RIPOR1: variants seen among roughly 807,000 people sequenced by gnomAD.
The protein encoded by RIPOR1 is RHO family interacting cell polarization regulator 1, also known as rho family-interacting cell polarization regulator 1.
Under a neutral mutation model 116.5 loss-of-function variants are expected in RIPOR1, and 58 were observed. The observed-to-expected ratio is 0.50, with a 90% confidence interval of 0.40 to 0.62. RIPOR1 has a LOEUF of 0.62. RIPOR1 is among the 20% of genes least tolerant of loss of function. The pLI is 0.00. For synonymous variants in RIPOR1, 605 were observed against 650.0 expected (o/e 0.93, Z 1.05); for missense variants, 1,372 against 1,586.2 (o/e 0.86, Z 2.29).
rs2050828521 is a variant in RIPOR1, at chr16:67,537,546, C to CG, written c.-23-877dup. Reference sequence around the variant, plus strand: ...CCAGGGCCGGAAGGTCCGCGGGGGGCGAGCGCGGGTCGGGGGCCGTCCCGG... The same window carrying CG: ...CCAGGGCCGGAAGGTCCGCGGGGGGCGGAGCGCGGGTCGGGGGCCGTCCCGG... On this transcript the variant is annotated intron_variant, in intron 1 of 21. Coordinates refer to ENST00000042381, the MANE Select transcript of RIPOR1 (RefSeq NM_024519.4). This position sits in a 1 kb window ranked among gnomAD's most constrained non-coding sequence, Gnocchi z 4.6. The CG allele has an allele frequency of 7.4e-7, 1 of 1,353,592 alleles. No individual in the cohort carries two copies. The highest frequency in any genetic ancestry group is 9.5e-7 in the Non-Finnish European group (1 of 1,050,200). 83.8% of individuals were successfully genotyped at this position (1,353,592 alleles called of 1,614,324 possible). A position where few individuals can be genotyped will look rare whatever the true frequency, so the allele number is the denominator to read the frequency against.
At position 67,537,673 on chromosome 16, in the gene RIPOR1, T is replaced by A; in HGVS notation, c.-23-751T>A. On this transcript the variant is annotated intron_variant, in intron 1 of 21. Coordinates refer to ENST00000042381, the MANE Select transcript of RIPOR1 (RefSeq NM_024519.4). This position sits in a 1 kb window ranked among gnomAD's most constrained non-coding sequence, Gnocchi z 4.6. ...GCAGGCCGGGTTTGGGGGCCAGGAG[T>A]GTGTGTTTCGCCGAAGCGGGGTGGG... The A allele has an allele frequency of 9.5e-7, 1 of 1,051,660 alleles. No individual in the cohort carries two copies. The highest frequency in any genetic ancestry group is 1.2e-6 in the Non-Finnish European group (1 of 805,022). The allele number at this position is 1,051,660 out of a possible 1,614,324, so 65.1% of individuals were successfully genotyped here.
intron 1 of RIPOR1, among the ~76,000 whole-genome samples, chr16:67,522,287 C>T (rs1394884910): frequency 1.3e-5 from 2 of 148,798 alleles, no homozygotes; most frequent in African/African-American, 2.5e-5. Flanking sequence ...ACTGAAACCT[C>T]CGCCTCCCAG....
intron 4 of RIPOR1, 176 bp downstream of exon 4, chr16:67,539,244 C>A: frequency 1.6e-6 from 1 of 607,144 alleles, no homozygotes; most frequent in Non-Finnish European, 2.9e-6. Context: ...GCTGTGCATA[C>A]TTTCTGCTTG....
chr16:67,534,844 T>TC (rs1198101425), intron 1 of RIPOR1, among the ~76,000 whole-genome samples: 14 of 134,098 alleles, frequency 1.0e-4, no homozygotes, highest in African/African-American at 3.9e-4. Context: ...TCTTTTTTTT[T>TC]TTTTTTTTTT....
In RIPOR1 at chr16:67,530,561, G is replaced by T. The variant is rs2142427877; in HGVS notation, c.-24+1647G>T. The stretch of plus-strand genomic sequence containing the variant: ...TCGGGGCGGCCCCGGGGTGGGGCGG[G>T]GCTAGACCCGGGGACTCCCAGAGAG... On this transcript the variant is annotated intron_variant, in intron 1 of 21. Transcript: ENST00000042381. The surrounding 1 kb of genome is among the most constrained non-coding windows in gnomAD (Gnocchi z 4.5). Among the ~76,000 whole-genome samples the T allele has an allele frequency of 6.6e-6, 1 of 152,340 alleles. No homozygotes were observed. Among genetic ancestry groups the T allele is most frequent in the South Asian group, 2.1e-4 (1 of 4,832 alleles).
chr16:67,537,443 G>C lies in RIPOR1; in HGVS notation c.-23-981G>C. ...GTCAGGCGGCAGGAACTGGGCGGGG[G>C]GCGGCGCCGGGAGGAGCCGAAGCCG... On this transcript the variant is annotated intron_variant, in intron 1 of 21. Coordinates refer to ENST00000042381, the MANE Select transcript of RIPOR1 (RefSeq NM_024519.4). The surrounding 1 kb of genome is among the most constrained non-coding windows in gnomAD (Gnocchi z 4.6). 2 of 1,242,798 alleles carry C rather than the reference G, an allele frequency of 1.6e-6. No homozygotes were observed. The highest frequency in any genetic ancestry group is 3.3e-5 in the South Asian group (1 of 30,744). 77.0% of individuals were successfully genotyped at this position (1,242,798 alleles called of 1,614,324 possible).
At chr16:67,538,197 G>A in intron 1 of RIPOR1, 2 of 424,624 alleles carry the variant, frequency 4.7e-6, no homozygotes, top group Non-Finnish European at 8.1e-6. Context: ...CCGCACCTCG[G>A]CAGGAAGTGG....
chr16:67,538,250 GCGGCTGTCCTGTCATTAGTGCCCGGGT>G, intron 1 of RIPOR1, 147 bp from the exon 2 acceptor site: 6 of 719,494 alleles, frequency 8.3e-6, no homozygotes, highest in Non-Finnish European at 1.2e-5. Flanking sequence ...CGAGTCGCCT[GCGGCTGTCCTGTCATTAGTGCCCGGGT>G]CGGCGGGACT....
In RIPOR1 at chr16:67,544,896, C is replaced by G. The variant is rs2051116229; in HGVS notation, c.2870-60C>G. ...AGCTCCTACCTCAGCCTACTGCCATCTGCATGCTCTCTACTCACCTGCCTG... is the reference window on the plus strand; with the variant it reads ...AGCTCCTACCTCAGCCTACTGCCATGTGCATGCTCTCTACTCACCTGCCTG... On this transcript the variant is annotated intron_variant, in intron 16 of 21. Transcript: ENST00000042381. This position sits in a 1 kb window ranked among gnomAD's most constrained non-coding sequence, Gnocchi z 5.1. 6.2e-7 allele frequency: 1 copy of G among 1,601,602 alleles called. No individual in the cohort carries two copies. Among genetic ancestry groups the G allele is most frequent in the Non-Finnish European group, 8.5e-7 (1 of 1,172,544 alleles).
In RIPOR1 at chr16:67,529,739, CA is replaced by C; in HGVS notation, c.-24+827del. 5 of 1,533,018 alleles carry C rather than the reference CA, an allele frequency of 3.3e-6. No individual in the cohort carries two copies. Among genetic ancestry groups the C allele is most frequent in the Non-Finnish European group, 4.4e-6 (5 of 1,145,934 alleles). The allele number at this position is 1,533,018 out of a possible 1,614,324, so 95.0% of individuals were successfully genotyped here. A position where few individuals can be genotyped will look rare whatever the true frequency, so the allele number is the denominator to read the frequency against. The stretch of plus-strand genomic sequence containing the variant: ...ACCTACTGTGCGCAGCCTCGTGTAA[CA>C]ATACTTGTGCCCTGGCTGCAGTCTG... On this transcript the variant is annotated intron_variant, in intron 1 of 21. Transcript: ENST00000042381. This position sits in a 1 kb window ranked among gnomAD's most constrained non-coding sequence, Gnocchi z 4.1.
rs1666895838 is a variant in RIPOR1, at chr16:67,531,891, CTGTTT to C, written c.-24+2989_-24+2993del. ...GTCTTGACACTTACCACCTGTGTGA[CTGTTT>C]TGTTTTGTTTTTTGAGACAGAGTCT... On this transcript the variant is annotated intron_variant, in intron 1 of 21. Coordinates refer to ENST00000042381, the MANE Select transcript of RIPOR1 (RefSeq NM_024519.4). This position sits in a 1 kb window ranked among gnomAD's most constrained non-coding sequence, Gnocchi z 4.2. Among the ~76,000 whole-genome samples the C allele has an allele frequency of 6.6e-6, 1 of 152,000 alleles. No individual in the cohort carries two copies. Among genetic ancestry groups the C allele is most frequent in the Non-Finnish European group, 1.5e-5 (1 of 67,992 alleles).
upstream of RIPOR1, among the ~76,000 whole-genome samples, chr16:67,524,952 C>T (rs1365958678): frequency 6.6e-6 from 1 of 152,254 alleles, no homozygotes; most frequent in Non-Finnish European, 1.5e-5. Flanking sequence ...AAAGCCCAGG[C>T]TCCCCATCAC....
Position 67,540,158 on chromosome 16 carries a change from CG to C in RIPOR1, c.523del (p.Asp175ThrfsTer35), listed in dbSNP as rs1456537935. On this transcript the variant is annotated frameshift_variant, in exon 7 of 22. Coordinates refer to ENST00000042381, the MANE Select transcript of RIPOR1 (RefSeq NM_024519.4). LOFTEE classifies it high-confidence loss of function. The surrounding 1 kb of genome is among the most constrained non-coding windows in gnomAD (Gnocchi z 4.7). The stretch of plus-strand genomic sequence containing the variant: ...TGGGTCCCCGGGAAGCCGAGAGGCC[CG>C]GGACAGCCTGGCAGAGGCCACTCGG... Reference protein sequence around the residue: ...TTGSPGSREARDSLAEATRGH... With the variant: ...TTGSPGSREAXDSLAEATRGH... 6.2e-7 allele frequency: 1 copy of C among 1,614,042 alleles called. No individual in the cohort carries two copies. Among genetic ancestry groups the C allele is most frequent in the Non-Finnish European group, 8.5e-7 (1 of 1,180,024 alleles).
intron 1 of RIPOR1, among the ~76,000 whole-genome samples, chr16:67,520,780 A>G (rs983022790): frequency 1.3e-5 from 2 of 151,734 alleles, no homozygotes; most frequent in Non-Finnish European, 2.9e-5. Flanking sequence ...AGCCTAGGCG[A>G]CAGAGTGAGA....
At chr16:67,535,414 T>G (rs1567565192) in intron 1 of RIPOR1, among the ~76,000 whole-genome samples, 1 of 151,906 alleles carries the variant, frequency 6.6e-6, no homozygotes, top group South Asian at 2.1e-4. Flanking sequence ...GGGAGAGAGG[T>G]GCGCAGTGCT....
rs2051162896 is a variant in RIPOR1 at position 67,546,222 on chromosome 16, C to G, written c.3553C>G (p.Gln1185Glu). Residue 1185 changes from glutamine (Q) to glutamate (E), a missense_variant, in exon 21 of 22, where the codon CAG becomes GAG. By Grantham distance (29) the Gln-to-Glu change is conservative. Around this residue, in one of 3 missense-constraint regions of RIPOR1, gnomAD observed 1,005 missense variants for 1,144.7 expected, o/e 0.88. Coordinates refer to ENST00000042381, the MANE Select transcript of RIPOR1 (RefSeq NM_024519.4). ...GAGGGAAGCTGCCCGGCAAAGCCTA[C>G]AGCAGTGTGGTGAGGCTGGGGGATG... ...AVREAARQSLQQCGEEGQSAH... is the reference protein window; with the variant it reads ...AVREAARQSLEQCGEEGQSAH... The G allele has an allele frequency of 6.2e-7, 1 of 1,614,054 alleles. No homozygotes were observed. The highest frequency in any genetic ancestry group is 1.6e-4 in the Middle Eastern group (1 of 6,062).
At chr16:67,520,919 C>A (rs1043542979) in intron 1 of RIPOR1, among the ~76,000 whole-genome samples, 3 of 152,082 alleles carry the variant, frequency 2.0e-5, no homozygotes, top group African/African-American at 7.2e-5. Context: ...ATCACAGAAG[C>A]CAAAGGACGC....
At chr16:67,526,342 C>G (rs551627531), upstream of RIPOR1, among the ~76,000 whole-genome samples, 1 of 152,100 alleles carries the variant, frequency 6.6e-6, no homozygotes, top group Non-Finnish European at 1.5e-5. Context: ...TCACAGGGGC[C>G]GCAGAATAAG....
chr16:67,543,306 G>T lies in RIPOR1; in HGVS notation c.2478+42G>T. The T allele has an allele frequency of 6.2e-7, 1 of 1,606,468 alleles. No individual in the cohort carries two copies. Among genetic ancestry groups the T allele is most frequent in the Admixed American group, 1.7e-5 (1 of 58,746 alleles). On this transcript the variant is annotated intron_variant, in intron 13 of 21. Transcript: ENST00000042381. The surrounding 1 kb of genome is among the most constrained non-coding windows in gnomAD (Gnocchi z 4.7). ...TGGGCTAGGGCAACCAGGGAGGGCAGCCAGGGGGCGGCAGCCGCTCTGATG... is the reference window on the plus strand; with the variant it reads ...TGGGCTAGGGCAACCAGGGAGGGCATCCAGGGGGCGGCAGCCGCTCTGATG...
Sources: gnomAD v4.1 joint callset for allele counts (sites outside exome capture counted in the v4.1 genomes callset) on GRCh38, gnomAD v4.1.1 for gene constraint, gnomAD v4.1.1 regional missense constraint, Gnocchi (gnomAD v3.1) non-coding constraint, MANE v1.5 for transcripts, NCBI Gene and HGNC (gene_info 2026-07-23, HGNC 2026-07-21) for gene names.